PLCB1: variants seen among roughly 807,000 people sequenced by gnomAD.
The protein encoded by PLCB1 is 1-phosphatidylinositol 4,5-bisphosphate phosphodiesterase beta-1.
A neutral mutation model predicts 161.8 loss-of-function variants in PLCB1; 46 were observed. The ratio of observed to expected loss-of-function variants is 0.28; its 90% CI spans 0.22 to 0.36. The LOEUF is 0.36. PLCB1 is among the 10% of genes least tolerant of loss of function. The probability of loss-of-function intolerance (pLI) is 1.00; values close to 1 mark genes in which losing one functional copy is unlikely to be tolerated. For synonymous variants in PLCB1, 517 were observed against 503.7 expected (o/e 1.03, Z -0.35); for missense variants, 1,016 against 1,472.5 (o/e 0.69, Z 5.07).
At chr20:8,817,413 C>A (rs6056151) in intron 31 of PLCB1, among the ~76,000 whole-genome samples, 4,022 of 152,134 alleles carry the variant, frequency 0.026, 165 homozygotes, top group African/African-American at 0.092. Context: ...TTCATGATTG[C>A]AAGCTGGTCC....
rs116688697 is a variant in PLCB1 at position 8,450,264 on chromosome 20, G to T, written c.246+78814G>T. ...TCATTTCTCTTGAAAAATTTCACAC[G>T]AAGTCTCTTTTCATCTATTTCAATA... is the stretch of plus-strand genomic sequence containing the variant. On this transcript the variant is annotated intron_variant, in intron 3 of 31. Transcript: ENST00000338037. Among the ~76,000 whole-genome samples the T allele has an allele frequency of 7.1e-3, 1,088 of 152,180 alleles. 20 individuals carry two copies. The highest frequency in any genetic ancestry group is 0.025 in the African/African-American group (1,020 of 41,510).
chr20:8,472,559 T>C (rs938562247), intron 3 of PLCB1, among the ~76,000 whole-genome samples: 1 of 152,134 alleles, frequency 6.6e-6, no homozygotes. Context: ...CCGTGTTCTC[T>C]TTAAGCCAGG....
intron 2 of PLCB1, among the ~76,000 whole-genome samples, chr20:8,357,138 G>T (rs1986387845): frequency 6.6e-6 from 1 of 152,162 alleles, no homozygotes; most frequent in Non-Finnish European, 1.5e-5. Context: ...TACACCCAGG[G>T]ATGGTGACCC....
intron 2 of PLCB1, among the ~76,000 whole-genome samples, chr20:8,338,007 T>C (rs1475843505): frequency 1.3e-5 from 2 of 152,080 alleles, no homozygotes; most frequent in Non-Finnish European, 2.9e-5. Context: ...GAGGGATGAA[T>C]GATGCCCAGA....
At chr20:8,869,688 A>G (rs1018204371) in intron 31 of PLCB1, among the ~76,000 whole-genome samples, 1 of 152,236 alleles carries the variant, frequency 6.6e-6, no homozygotes, top group African/African-American at 2.4e-5. Context: ...AATAATAAAC[A>G]TTTATTTAGT....
intron 3 of PLCB1, among the ~76,000 whole-genome samples, chr20:8,603,826 G>A (rs1198275942): frequency 1.6e-4 from 25 of 152,200 alleles, no homozygotes; most frequent in Non-Finnish European, 1.5e-5. Flanking sequence ...ACAGGTCAAA[G>A]TGGGTGATTT....
intron 31 of PLCB1, among the ~76,000 whole-genome samples, chr20:8,794,035 G>C (rs2146227961): frequency 6.6e-6 from 1 of 152,330 alleles, no homozygotes; most frequent in South Asian, 2.1e-4. Flanking sequence ...ATATGGCTCT[G>C]TTCTGCCCGG....
At chr20:8,779,803 A>T (rs889430778) in intron 27 of PLCB1, among the ~76,000 whole-genome samples, 10 of 152,218 alleles carry the variant, frequency 6.6e-5, no homozygotes, top group African/African-American at 2.2e-4. Context: ...TTGAAATGGG[A>T]AATACAGTGA....
intron 31 of PLCB1, among the ~76,000 whole-genome samples, chr20:8,791,615 A>C (rs1360426228): frequency 6.6e-6 from 1 of 152,072 alleles, no homozygotes; most frequent in Non-Finnish European, 1.5e-5. Context: ...AAATTTAGGT[A>C]ATATGGTTCT....
rs1483035215 is a variant in PLCB1, at chr20:8,884,241, T to C, written c.*2392T>C. On this transcript the variant is annotated 3_prime_UTR_variant, in exon 32 of 32. Transcript: ENST00000338037. ...CATTGAAACTACTACAATGATACTA[T>C]CATTTAATAATATTAATATTACTTG... is the stretch of plus-strand genomic sequence containing the variant. 6.6e-6 allele frequency: 1 copy of C among 152,630 alleles called. No homozygotes were observed. Among genetic ancestry groups the C allele is most frequent in the African/African-American group, 2.4e-5 (1 of 41,464 alleles). 9.5% of individuals were successfully genotyped at this position (152,630 alleles called of 1,614,324 possible).
intron 9 of PLCB1, among the ~76,000 whole-genome samples, chr20:8,681,112 AT>A (rs1568558247): frequency 5.9e-4 from 66 of 110,950 alleles, no homozygotes; most frequent in East Asian, 9.2e-4. Context: ...ATATATATAT[AT>A]ATATATAATA....
At chr20:8,571,188 T>C (rs1986499958) in intron 3 of PLCB1, among the ~76,000 whole-genome samples, 1 of 152,142 alleles carries the variant, frequency 6.6e-6, no homozygotes, top group African/African-American at 2.4e-5. Context: ...AGAAATCTGT[T>C]TGGGAGGCCA....
chr20:8,707,009 C>T (rs1408603667), intron 11 of PLCB1, among the ~76,000 whole-genome samples: 3 of 152,302 alleles, frequency 2.0e-5, no homozygotes, highest in Non-Finnish European at 2.9e-5. Flanking sequence ...AAAGCCTATA[C>T]TCAAATAAAT....
chr20:8,227,032 T>C (rs563776530), intron 2 of PLCB1, among the ~76,000 whole-genome samples: 2 of 152,310 alleles, frequency 1.3e-5, no homozygotes, highest in South Asian at 4.1e-4. Flanking sequence ...CTAAAACATC[T>C]GAAATGTTAT....
intron 2 of PLCB1, among the ~76,000 whole-genome samples, chr20:8,172,487 A>T: frequency 6.6e-6 from 1 of 152,194 alleles, no homozygotes; most frequent in East Asian, 1.9e-4. Context: ...GGGGATTGGG[A>T]TCAGTAGTAG....
intron 2 of PLCB1, among the ~76,000 whole-genome samples, chr20:8,154,606 A>G (rs531616169): frequency 1.4e-4 from 21 of 152,326 alleles, no homozygotes; most frequent in African/African-American, 5.1e-4. Flanking sequence ...AACCAACAGT[A>G]ATAGGAAATA....
chr20:8,301,159 C>T (rs1478896604), intron 2 of PLCB1, among the ~76,000 whole-genome samples: 3 of 152,150 alleles, frequency 2.0e-5, no homozygotes, highest in African/African-American at 7.2e-5. Context: ...CCTGAAAATT[C>T]AGCTGTCCTT....
intron 2 of PLCB1, among the ~76,000 whole-genome samples, chr20:8,217,301 G>C (rs1451762027): frequency 6.6e-6 from 1 of 152,112 alleles, no homozygotes; most frequent in Non-Finnish European, 1.5e-5. Flanking sequence ...CATGGGGTCA[G>C]AGCCTCAGGA....
intron 3 of PLCB1, among the ~76,000 whole-genome samples, chr20:8,610,485 G>A (rs6055946): frequency 0.78 from 117,894 of 152,098 alleles, 45,969 homozygotes; most frequent in East Asian, 0.84. Context: ...TTCATTTCTC[G>A]TAGGTATATA....
Sources: allele counts gnomAD v4.1 joint callset (sites outside exome capture counted in the v4.1 genomes callset), GRCh38; gene constraint gnomAD v4.1.1; transcripts MANE v1.5; gene names NCBI Gene and HGNC (gene_info 2026-07-23, HGNC 2026-07-21).